Variants in PRICKLE2 observed in about 807,000 individuals in gnomAD.
PRICKLE2 encodes the protein prickle-like protein 2.
In PRICKLE2, 21 loss-of-function variants were observed where a neutral mutation model predicts 81.4. The ratio of observed to expected loss-of-function variants is 0.26; its 90% CI spans 0.18 to 0.37. The LOEUF (loss-of-function observed/expected upper bound fraction) is 0.37. Among genes scored for constraint, PRICKLE2 ranks in the 10% least tolerant of loss-of-function variants. PRICKLE2 has a pLI of 1.00. For missense variants in PRICKLE2, 940 were observed against 1,109.0 expected (o/e 0.85, Z 2.16); for synonymous variants, 456 against 421.5 (o/e 1.08, Z -1.00).
chr3:64,244,001 TG>T (rs2079308890), intron 2 of PRICKLE2, among the ~76,000 whole-genome samples: 1 of 152,166 alleles, frequency 6.6e-6, no homozygotes, highest in Admixed American at 6.5e-5. Context: ...AGCCAAATTA[TG>T]GAATAGGAAA....
intron 7 of PRICKLE2, among the ~76,000 whole-genome samples, chr3:64,119,625 C>T (rs1034421278): frequency 6.6e-6 from 1 of 152,174 alleles, no homozygotes; most frequent in Non-Finnish European, 1.5e-5. Context: ...TAAGTGAGTT[C>T]AGCCACTGTG....
intron 7 of PRICKLE2, among the ~76,000 whole-genome samples, chr3:64,113,224 A>T (rs1371583060): frequency 6.6e-6 from 1 of 152,190 alleles, no homozygotes; most frequent in Admixed American, 6.5e-5. Context: ...GGGTGTCTGC[A>T]GTGCAGCACG....
At chr3:64,149,602 T>C (rs1156308208) in intron 6 of PRICKLE2, among the ~76,000 whole-genome samples, 3 of 152,194 alleles carry the variant, frequency 2.0e-5, no homozygotes, top group Admixed American at 6.5e-5. Context: ...AATGTGGCCT[T>C]TATCTTCAGT....
intron 2 of PRICKLE2, among the ~76,000 whole-genome samples, chr3:64,257,824 A>C (rs1372356226): frequency 6.6e-6 from 1 of 152,114 alleles, no homozygotes; most frequent in Non-Finnish European, 1.5e-5. Flanking sequence ...TTAAATCCTA[A>C]CCCCTAAAGT....
chr3:64,229,137 A>C (rs2079067995), upstream of PRICKLE2, among the ~76,000 whole-genome samples: 1 of 152,212 alleles, frequency 6.6e-6, no homozygotes, highest in African/African-American at 2.4e-5. Flanking sequence ...GAAAATTATG[A>C]ACACAAATGC....
intron 1 of PRICKLE2, among the ~76,000 whole-genome samples, chr3:64,203,387 G>A (rs2078624593): frequency 6.6e-6 from 1 of 152,148 alleles, no homozygotes; most frequent in Non-Finnish European, 1.5e-5. Flanking sequence ...GGAAAAACAA[G>A]TTTCAATGTG....
chr3:64,174,213 C>A (rs949670081), intron 2 of PRICKLE2, among the ~76,000 whole-genome samples: 1 of 152,184 alleles, frequency 6.6e-6, no homozygotes, highest in Admixed American at 6.5e-5. Context: ...GAGAAAGAAA[C>A]TGCATTTGAT....
chr3:64,163,495 C>T (rs899289454), intron 2 of PRICKLE2: 28 of 333,666 alleles, frequency 8.4e-5, no homozygotes, highest in Non-Finnish European at 1.4e-4. Context: ...CAGCATATGA[C>T]GTGCCTCCCT....
chr3:64,121,608 A>G (rs897500935), intron 7 of PRICKLE2, among the ~76,000 whole-genome samples: 1 of 151,692 alleles, frequency 6.6e-6, no homozygotes, highest in Non-Finnish European at 1.5e-5. Context: ...GTTAGTCACA[A>G]TTTTTTTTGT....
intron 2 of PRICKLE2, among the ~76,000 whole-genome samples, chr3:64,267,324 T>C (rs979033833): frequency 2.6e-5 from 4 of 151,712 alleles, no homozygotes; most frequent in African/African-American, 4.8e-5. Flanking sequence ...AAATCCAGAG[T>C]TGCTTCATTA....
At chr3:64,237,769 T>C (rs778593204) in intron 2 of PRICKLE2, among the ~76,000 whole-genome samples, 17 of 152,154 alleles carry the variant, frequency 1.1e-4, no homozygotes, top group Non-Finnish European at 1.5e-5. Flanking sequence ...CCTGTCCATA[T>C]CATAAGGAGA....
intron 7 of PRICKLE2, among the ~76,000 whole-genome samples, chr3:64,114,190 A>G (rs182577910): frequency 6.6e-6 from 1 of 151,248 alleles, no homozygotes; most frequent in Admixed American, 6.6e-5. Flanking sequence ...GTCATCAAAT[A>G]GGATTAAGAA....
Position 64,147,564 on chromosome 3 carries a change from G to A in PRICKLE2, c.926C>T (p.Ala309Val). Residue 309 changes from alanine (A) to valine (V), a missense_variant, in exon 7 of 8, where the codon GCC becomes GTC. By Grantham distance (64) the Ala-to-Val change is moderately conservative. Coordinates refer to ENST00000638394, the MANE Select transcript of PRICKLE2 (RefSeq NM_198859.4). This position sits in a 1 kb window ranked among gnomAD's most constrained non-coding sequence, Gnocchi z 5.0. ...ATTGGGGTCTTCCCCAGCACTGCAG[G>A]CCCGTGAGCAGAATATCTGGCCCTG... ...PKQGQIFCSR[A>V]CSAGEDPNGS... The A allele has an allele frequency of 1.2e-6, 2 of 1,614,258 alleles. No homozygotes were observed. Among genetic ancestry groups the A allele is most frequent in the Non-Finnish European group, 1.7e-6 (2 of 1,180,044 alleles).
At chr3:64,265,219 C>T (rs559857062) in intron 2 of PRICKLE2, among the ~76,000 whole-genome samples, 14 of 152,230 alleles carry the variant, frequency 9.2e-5, no homozygotes, top group Non-Finnish European at 1.8e-4. Flanking sequence ...CTAAGTATCC[C>T]AGAAAAGAAT....
chr3:64,105,321 T>A (rs1167349489), intron 7 of PRICKLE2, among the ~76,000 whole-genome samples: 1 of 152,232 alleles, frequency 6.6e-6, no homozygotes, highest in Non-Finnish European at 1.5e-5. Flanking sequence ...TATGTAAGTT[T>A]GTAGCTGAAT....
intron 7 of PRICKLE2, among the ~76,000 whole-genome samples, chr3:64,130,641 C>A (rs1049273527): frequency 6.6e-6 from 1 of 152,158 alleles, no homozygotes; most frequent in Non-Finnish European, 1.5e-5. Context: ...GAACCACCCA[C>A]GAATTATCCC....
At chr3:64,170,491 T>C (rs866430497) in intron 2 of PRICKLE2, among the ~76,000 whole-genome samples, 3 of 152,238 alleles carry the variant, frequency 2.0e-5, no homozygotes, top group Admixed American at 6.5e-5. Context: ...TTTGTGCCTC[T>C]GCAGTCGAGT....
At chr3:64,165,187 TC>T (rs2077809423) in intron 2 of PRICKLE2, among the ~76,000 whole-genome samples, 1 of 152,172 alleles carries the variant, frequency 6.6e-6, no homozygotes, top group Non-Finnish European at 1.5e-5. Flanking sequence ...ATACCCCCTG[TC>T]CATTGCCTAG....
intron 7 of PRICKLE2, among the ~76,000 whole-genome samples, chr3:64,138,454 G>A (rs1213137620): frequency 6.6e-6 from 1 of 152,192 alleles, no homozygotes; most frequent in Admixed American, 6.5e-5. Context: ...ATGGACATTG[G>A]TCTGCAGTGA....
Sources: gnomAD v4.1 joint callset for allele counts (sites outside exome capture counted in the v4.1 genomes callset) on GRCh38, gnomAD v4.1.1 for gene constraint, Gnocchi (gnomAD v3.1) non-coding constraint, MANE v1.5 for transcripts, NCBI Gene and HGNC (gene_info 2026-07-23, HGNC 2026-07-21) for gene names.